The following TENM1 variants were observed in gnomAD, a reference collection of about 807,000 sequenced individuals.
TENM1 encodes the protein teneurin-1.
A neutral mutation model predicts 174.8 loss-of-function variants in TENM1; 35 were observed. The ratio of observed to expected loss-of-function variants is 0.20; its 90% CI spans 0.15 to 0.27. The LOEUF is 0.27. TENM1 is among the 10% of genes least tolerant of loss of function. The probability of loss-of-function intolerance (pLI) is 1.00; values close to 1 mark genes in which losing one functional copy is unlikely to be tolerated. For synonymous variants in TENM1, 781 were observed against 798.7 expected, an observed-to-expected ratio of 0.98 and a Z score of 0.37; for missense variants, 1,633 against 2,130.1, an observed-to-expected ratio of 0.77 and a Z score of 4.59.
At chrX:125,089,891 G>A in the TENM1 span, among the ~76,000 whole-genome samples, 1 of 111,415 alleles carries the variant, frequency 9.0e-6, no homozygotes, top group African/African-American at 3.3e-5. Context: ...AAAAGGAGGT[G>A]CCAGATAGAA....
chrX:125,063,745 G>C, the TENM1 span, among the ~76,000 whole-genome samples: 469 of 111,294 alleles, frequency 4.2e-3, 5 homozygotes, highest in African/African-American at 0.014. Context: ...TGTGGAAGTC[G>C]GTGTGGTGAT....
intron 1 of TENM1, among the ~76,000 whole-genome samples, chrX:124,949,296 A>C (rs12007615): frequency 0.024 from 2,698 of 112,087 alleles, 92 homozygotes; most frequent in African/African-American, 0.084. Context: ...CACCACAGCG[A>C]GGAAACATCC....
intron 3 of TENM1, among the ~76,000 whole-genome samples, chrX:124,839,023 T>C (rs1385010131): frequency 2.7e-5 from 3 of 111,019 alleles, no homozygotes; most frequent in Admixed American, 1.9e-4. Context: ...CCTGTTTGTG[T>C]GGTTAAAAAA....
At chrX:124,527,814 ATTT>A (rs756753688) in intron 16 of TENM1, among the ~76,000 whole-genome samples, 2 of 86,705 alleles carry the variant, frequency 2.3e-5, no homozygotes. Context: ...ACGCCCAGCT[ATTT>A]TTTTTTTTTT....
the TENM1 span, among the ~76,000 whole-genome samples, chrX:125,050,242 C>T: frequency 3.7e-5 from 4 of 109,407 alleles, no homozygotes; most frequent in African/African-American, 3.3e-5. Context: ...ACATGTGCCA[C>T]ATTGGTGTGC....
the TENM1 span, among the ~76,000 whole-genome samples, chrX:125,064,897 G>A: frequency 6.3e-5 from 7 of 111,700 alleles, no homozygotes; most frequent in Admixed American, 3.8e-4. Flanking sequence ...CACCATAGAC[G>A]TCTTAAGTGG....
intron 5 of TENM1, among the ~76,000 whole-genome samples, chrX:124,682,538 A>G (rs145125610): frequency 2.0e-3 from 228 of 111,338 alleles, no homozygotes; most frequent in Non-Finnish European, 3.2e-3. Context: ...TTAGAGCTCA[A>G]AAAGACCACA....
intron 14 of TENM1, among the ~76,000 whole-genome samples, chrX:124,553,942 TA>T (rs1436400680): frequency 9.0e-6 from 1 of 110,887 alleles, no homozygotes; most frequent in African/African-American, 3.3e-5. Context: ...CCATTTCTAC[TA>T]AAAATACAAA....
chrX:124,427,360 T>C (rs898759052), intron 23 of TENM1, among the ~76,000 whole-genome samples: 1 of 112,289 alleles, frequency 8.9e-6, no homozygotes, highest in African/African-American at 3.2e-5. Context: ...ACCAATACGA[T>C]TGGTGTCATG....
chrX:124,907,318 C>T (rs1372923767), intron 1 of TENM1, among the ~76,000 whole-genome samples: 1 of 112,360 alleles, frequency 8.9e-6, no homozygotes, highest in Non-Finnish European at 1.9e-5. Context: ...GGCTTAAATT[C>T]TGGATACCAA....
At chrX:124,990,610 C>T in the TENM1 span, among the ~76,000 whole-genome samples, 1 of 112,653 alleles carries the variant, frequency 8.9e-6, no homozygotes, top group African/African-American at 3.2e-5. Flanking sequence ...GACACTGATT[C>T]TGGCTTTCTC....
intron 3 of TENM1, among the ~76,000 whole-genome samples, chrX:124,888,202 A>C (rs16994532): frequency 4.4e-4 from 49 of 111,612 alleles, no homozygotes; most frequent in African/African-American, 1.6e-3. Flanking sequence ...ATACCGCACT[A>C]CTTAGGTTCT....
intron 1 of TENM1, among the ~76,000 whole-genome samples, chrX:124,918,582 A>G (rs371847716): frequency 1.8e-5 from 2 of 111,032 alleles, no homozygotes; most frequent in African/African-American, 6.5e-5. Flanking sequence ...AAAAAAAAAA[A>G]AAAATACTAT....
chrX:124,761,216 T>G (rs1452201613), intron 3 of TENM1, among the ~76,000 whole-genome samples: 3 of 110,944 alleles, frequency 2.7e-5, no homozygotes, highest in African/African-American at 9.8e-5. Context: ...GGATTACAAA[T>G]CATGCTATTA....
chrX:124,664,141 A>G (rs1321362852), intron 6 of TENM1, among the ~76,000 whole-genome samples: 1 of 111,638 alleles, frequency 9.0e-6, no homozygotes, highest in East Asian at 2.8e-4. Context: ...CATTACTTCT[A>G]TTTTATTCAT....
intron 14 of TENM1, 92 bp downstream of exon 17, chrX:124,561,579 A>T: frequency 9.9e-7 from 1 of 1,014,683 alleles, no homozygotes; most frequent in South Asian, 2.1e-5. Flanking sequence ...TATACTAGAG[A>T]TTCCTAATTT....
intron 23 of TENM1, among the ~76,000 whole-genome samples, chrX:124,445,835 T>C (rs1219678306): frequency 2.7e-5 from 3 of 112,020 alleles, no homozygotes; most frequent in African/African-American, 9.7e-5. Context: ...AGGCATCAGA[T>C]GGAAGTGAGT....
chrX:124,778,167 G>A (rs1175858983), intron 3 of TENM1, among the ~76,000 whole-genome samples: 3 of 112,755 alleles, frequency 2.7e-5, no homozygotes, highest in Non-Finnish European at 5.6e-5. Flanking sequence ...AAATGCCTAG[G>A]CAGATAAAAC....
intron 27 of TENM1, among the ~76,000 whole-genome samples, chrX:124,401,749 C>A (rs1171418072): frequency 4.5e-5 from 5 of 111,682 alleles, no homozygotes; most frequent in Admixed American, 1.9e-4. Context: ...AATGCCAAAT[C>A]TGGGGAAATT....
Sources: allele counts gnomAD v4.1 joint callset (sites outside exome capture counted in the v4.1 genomes callset), GRCh38; gene constraint gnomAD v4.1.1; transcripts MANE v1.5; gene names NCBI Gene and HGNC (gene_info 2026-07-23, HGNC 2026-07-21).